Variants in SHQ1 observed in about 807,000 individuals in gnomAD.
SHQ1 encodes the protein SHQ1, H/ACA ribonucleoprotein assembly factor, also known as protein SHQ1 homolog.
Under a neutral mutation model 53.8 loss-of-function variants are expected in SHQ1, and 49 were observed. The ratio of observed to expected loss-of-function variants is 0.91; its 90% CI spans 0.72 to 1.16. The LOEUF is 1.16. SHQ1 is among the 50% of genes most tolerant of loss of function. The pLI is 0.00. For synonymous variants in SHQ1, 243 were observed against 251.0 expected (o/e 0.97, Z 0.30); for missense variants, 738 against 683.1 (o/e 1.08, Z -0.90).
chr3:72,846,260 C>G lies in SHQ1; in HGVS notation c.144-1837G>C, dbSNP rs751112325. The G allele has an allele frequency of 1.7e-5, 26 of 1,535,156 alleles. No individual in the cohort carries two copies. The South Asian group carries it at 2.3e-4, about 13-fold the overall frequency. ...GTCTCCATTCTTCAAGGAGAGGGACCAGGTTTTATTCATCCTTGGTATAGC... is the reference window on the plus strand; with the variant it reads ...GTCTCCATTCTTCAAGGAGAGGGACGAGGTTTTATTCATCCTTGGTATAGC... On this transcript the variant is annotated intron_variant, in intron 1 of 10. Coordinates refer to ENST00000325599, the MANE Select transcript of SHQ1 (RefSeq NM_018130.3).
intron 9 of SHQ1, among the ~76,000 whole-genome samples, chr3:72,802,232 T>A (rs1168501012): frequency 6.6e-6 from 1 of 152,162 alleles, no homozygotes; most frequent in Non-Finnish European, 1.5e-5. Context: ...ACATATTCCT[T>A]CCTCCTCGGT....
At chr3:72,797,418 T>A (rs1706659152) in intron 9 of SHQ1, among the ~76,000 whole-genome samples, 1 of 152,210 alleles carries the variant, frequency 6.6e-6, no homozygotes, top group Non-Finnish European at 1.5e-5. Context: ...TTTATTCTTT[T>A]CTATACTTTC....
At chr3:72,744,840 ACAAT>A (rs1306653702), downstream of SHQ1, among the ~76,000 whole-genome samples, 6 of 148,652 alleles carry the variant, frequency 4.0e-5, no homozygotes, top group South Asian at 1.3e-3. Context: ...CCCTGACCAA[ACAAT>A]CAGAGATTTG....
intron 10 of SHQ1, chr3:72,773,099 C>T: frequency 1.3e-6 from 1 of 787,844 alleles, no homozygotes; most frequent in Non-Finnish European, 2.3e-6. Context: ...GAAAAACAGG[C>T]CAAACTTCGT....
At chr3:72,796,101 CAAAAAAAAAAAA>C (rs555086403) in intron 9 of SHQ1, among the ~76,000 whole-genome samples, 1,525 of 40,574 alleles carry the variant, frequency 0.038, 40 homozygotes, top group African/African-American at 0.097. Flanking sequence ...GACTCCATCT[CAAAAAAAAAAAA>C]AAAAAAAAAA....
intron 10 of SHQ1, among the ~76,000 whole-genome samples, chr3:72,774,985 G>A (rs1050943719): frequency 7.2e-5 from 11 of 151,892 alleles, no homozygotes; most frequent in Non-Finnish European, 1.6e-4. Context: ...CATGGTGGTG[G>A]GCACCTGTAA....
chr3:72,838,410 A>G (rs1708062335), intron 4 of SHQ1, among the ~76,000 whole-genome samples: 1 of 152,268 alleles, frequency 6.6e-6, no homozygotes, highest in South Asian at 2.1e-4. Context: ...TGCTCTTGCA[A>G]TTAAAATTTG....
chr3:72,744,561 C>T (rs13080180), downstream of SHQ1, among the ~76,000 whole-genome samples: 8,376 of 152,260 alleles, frequency 0.055, 325 homozygotes, highest in Admixed American at 0.1. Context: ...TGTTTGTTTT[C>T]TCCAGCCTTG....
chr3:72,797,544 C>T (rs1706663046), intron 9 of SHQ1, among the ~76,000 whole-genome samples: 1 of 152,154 alleles, frequency 6.6e-6, no homozygotes, highest in African/African-American at 2.4e-5. Flanking sequence ...AATTTGAATT[C>T]ACATTTTAAA....
Position 72,753,051 on chromosome 3 carries a change from A to G in SHQ1, c.1182-2215T>C, listed in dbSNP as rs920455640. The G allele has an allele frequency of 7.1e-6, 7 of 985,166 alleles. No homozygotes were observed. The African/African-American group carries it at 1.2e-4, about 17-fold the overall frequency. The allele number at this position is 985,166 out of a possible 1,614,324, so 61.0% of individuals were successfully genotyped here. ...ACTTTTCCATTATTAACTTGGATGCATTTAGTTGTTTTTTGTTTCTAAAAG... is the reference window on the plus strand; with the variant it reads ...ACTTTTCCATTATTAACTTGGATGCGTTTAGTTGTTTTTTGTTTCTAAAAG... On this transcript the variant is annotated intron_variant, in intron 10 of 10. Transcript: ENST00000325599.
intron 10 of SHQ1, among the ~76,000 whole-genome samples, chr3:72,751,515 T>C (rs1241168378): frequency 7.2e-6 from 1 of 138,990 alleles, no homozygotes; most frequent in Non-Finnish European, 1.5e-5. Flanking sequence ...TGTGTATATA[T>C]ATATATATAT....
intron 10 of SHQ1, among the ~76,000 whole-genome samples, chr3:72,756,649 C>T (rs765980823): frequency 3.9e-5 from 6 of 152,112 alleles, no homozygotes; most frequent in South Asian, 2.1e-4. Context: ...AATGAAGAGA[C>T]GCTGCATTTA....
chr3:72,840,997 C>T (rs373467106), intron 4 of SHQ1, 48 bp downstream of exon 4: 12 of 1,548,066 alleles, frequency 7.8e-6, no homozygotes, highest in Non-Finnish European at 9.6e-6. Context: ...TTAAAATATC[C>T]AAATGGAAAA....
rs200032219 is a variant in SHQ1 at position 72,828,304 on chromosome 3, TGAGCCTAGTCTGAGGA to T, written c.600-3769_600-3754del. 4.0e-4 allele frequency among the ~76,000 whole-genome samples: 61 copies of T among 152,258 alleles called. No individual in the cohort carries two copies. In the East Asian group the frequency reaches 0.011, roughly 26 times the overall value. ...CAGGGCAAGTGCATGGAAGAAACAA[TGAGCCTAGTCTGAGGA>T]GATAAGCAACCACTATTCAGGCAAT... On this transcript the variant is annotated intron_variant, in intron 5 of 10. Transcript: ENST00000325599.
At chr3:72,765,049 A>T (rs1224154421) in intron 10 of SHQ1, among the ~76,000 whole-genome samples, 2 of 152,182 alleles carry the variant, frequency 1.3e-5, no homozygotes, top group Non-Finnish European at 2.9e-5. Flanking sequence ...CTTGGCTTTA[A>T]GTAAAAAGAT....
intron 4 of SHQ1, among the ~76,000 whole-genome samples, chr3:72,833,487 T>C (rs375900392): frequency 3.5e-4 from 36 of 102,108 alleles, no homozygotes; most frequent in Admixed American, 5.6e-4. Context: ...GATAGATAGA[T>C]AGATAGATAG....
chr3:72,743,648 G>A, the SHQ1 span, among the ~76,000 whole-genome samples: 1 of 152,214 alleles, frequency 6.6e-6, no homozygotes, highest in Admixed American at 6.5e-5. Flanking sequence ...AAGAGCTGTC[G>A]AGTGTTTGAT....
chr3:72,726,922 G>A, the SHQ1 span, among the ~76,000 whole-genome samples: 19 of 152,164 alleles, frequency 1.2e-4, no homozygotes, highest in African/African-American at 3.4e-4. Flanking sequence ...GGCAAAAATC[G>A]TAAAGGGTAA....
rs116902023 is a variant in SHQ1, at chr3:72,802,542, C to T, written c.1061-9506G>A. On this transcript the variant is annotated intron_variant, in intron 9 of 10. Transcript: ENST00000325599. ...TTTATCCTACCATTCCCCTTCACAC[C>T]TCTGGCCTCCAGACAGATGGGAATT... is the stretch of plus-strand genomic sequence containing the variant. Among the ~76,000 whole-genome samples the T allele has an allele frequency of 4.7e-4, 71 of 152,342 alleles. No individual in the cohort carries two copies. The East Asian group carries it at 0.013, about 28-fold the overall frequency.
Sources: gnomAD v4.1 joint callset for allele counts (sites outside exome capture counted in the v4.1 genomes callset) on GRCh38, gnomAD v4.1.1 for gene constraint, MANE v1.5 for transcripts, NCBI Gene and HGNC (gene_info 2026-07-23, HGNC 2026-07-21) for gene names.